CCDC150: variants seen among roughly 807,000 people sequenced by gnomAD.
The protein encoded by CCDC150 is coiled-coil domain-containing protein 150.
CCDC150 carries 151 observed loss-of-function variants against 156.5 expected under a neutral mutation model. The ratio of observed to expected loss-of-function variants is 0.97; its 90% CI spans 0.85 to 1.10. The LOEUF (loss-of-function observed/expected upper bound fraction) is 1.10, where lower values mean the gene tolerates loss of function less well. Ranked by LOEUF, CCDC150 falls within the 50% of genes least tolerant of loss-of-function variation. The probability of loss-of-function intolerance (pLI) is 0.00; values close to 1 mark genes in which losing one functional copy is unlikely to be tolerated. For missense variants in CCDC150, 1,312 were observed against 1,268.1 expected (o/e 1.03, Z -0.53); for synonymous variants, 452 against 429.4 (o/e 1.05, Z -0.65).
intron 13 of CCDC150, among the ~76,000 whole-genome samples, chr2:196,681,399 G>A (rs963692718): frequency 2.0e-5 from 3 of 152,056 alleles, no homozygotes; most frequent in African/African-American, 7.2e-5. Flanking sequence ...CATTTACACT[G>A]TTTTTACCTT....
Position 196,720,576 on chromosome 2 carries a change from G to A in CCDC150, c.2167G>A (p.Asp723Asn). ...TCTTTTTGTGCTTTTTATTTTTAGG[G>A]ATCTCAATCAACAGAGGGTGCAGAA... ...SEIAGLKKER[D>N]LNQQRVQKLE... The change falls in exon 20 of 28, where the codon GAT becomes AAT. Residue 723 changes from aspartate (D) to asparagine (N), a missense_variant and splice_region_variant. Coordinates refer to ENST00000389175, the MANE Select transcript of CCDC150 (RefSeq NM_001080539.2). The A allele has an allele frequency of 6.2e-7, 1 of 1,612,890 alleles. No individual in the cohort carries two copies. The highest frequency in any genetic ancestry group is 8.5e-7 in the Non-Finnish European group (1 of 1,179,248).
In CCDC150 at chr2:196,656,782, G is replaced by A. The variant is rs370440820; in HGVS notation, c.326G>A (p.Ser109Asn). 4 of 1,613,914 alleles carry A rather than the reference G, an allele frequency of 2.5e-6. No homozygotes were observed. The highest frequency in any genetic ancestry group is 1.7e-5 in the Admixed American group (1 of 60,004). The part of the protein sequence containing the change: ...FLVNRMCRLE[S>N]LMQSLKMNIF... Reference sequence around the variant, plus strand: ...GTAAATCGAATGTGCCGTCTTGAAAGCCTCATGCAGTCCTTGAAGATGAAC... The same window carrying A: ...GTAAATCGAATGTGCCGTCTTGAAAACCTCATGCAGTCCTTGAAGATGAAC... The change falls in exon 3 of 28, where the codon AGC becomes AAC. Residue 109 changes from serine (S) to asparagine (N), a missense_variant. Transcript: ENST00000389175.
intron 5 of CCDC150, among the ~76,000 whole-genome samples, chr2:196,664,383 G>T (rs1012253347): frequency 6.6e-6 from 1 of 152,234 alleles, no homozygotes; most frequent in African/African-American, 2.4e-5. Context: ...TGCTGGAACA[G>T]CTCAGAGAAT....
chr2:196,665,696 C>T lies in CCDC150; in HGVS notation c.762+13C>T. The stretch of plus-strand genomic sequence containing the variant: ...AGAACGAAAACAGGTAGAAAGATTT[C>T]TTCTCCTTATGTGGTTTGGGAAATG... On this transcript the variant is annotated intron_variant, in intron 6 of 27. Transcript: ENST00000389175. 6.7e-7 allele frequency: 1 copy of T among 1,492,082 alleles called. No homozygotes were observed. The highest frequency in any genetic ancestry group is 2.4e-5 in the East Asian group (1 of 41,738). The allele number at this position is 1,492,082 out of a possible 1,614,324, so 92.4% of individuals were successfully genotyped here.
rs377338378 is a variant in CCDC150 at position 196,721,661 on chromosome 2, A to T, written c.2399A>T (p.Glu800Val). ...ATTCAAGAGCAATTGGAAAGCAAAG[A>T]ACTTGAGCGACAGAATTTGGAAACC... ...DHIQEQLESK[E>V]LERQNLETFK... The change falls in exon 21 of 28, where the codon GAA becomes GTA. Residue 800 changes from glutamate (E) to valine (V), a missense_variant. Physicochemically the swap from Glu to Val is moderately radical, Grantham distance 121. Transcript: ENST00000389175. 188 of 1,600,878 alleles carry T rather than the reference A, an allele frequency of 1.2e-4. No homozygotes were observed. The highest frequency in any genetic ancestry group is 2.6e-4 in the Admixed American group (15 of 57,714).
At chr2:196,671,461 A>C in intron 8 of CCDC150, among the ~76,000 whole-genome samples, 1 of 114,586 alleles carries the variant, frequency 8.7e-6, no homozygotes, top group Non-Finnish European at 1.6e-5. Context: ...ACGGAGTCTC[A>C]CTCTGTCACT....
intron 2 of CCDC150, among the ~76,000 whole-genome samples, chr2:196,655,775 G>C (rs1013812018): frequency 2.0e-5 from 3 of 152,052 alleles, no homozygotes; most frequent in Non-Finnish European, 1.5e-5. Context: ...GGAGGTTTAA[G>C]ATGCAGTCCC....
At chr2:196,696,487 T>C (rs1695839322) in intron 14 of CCDC150, among the ~76,000 whole-genome samples, 1 of 152,226 alleles carries the variant, frequency 6.6e-6, no homozygotes, top group Non-Finnish European at 1.5e-5. Context: ...CCTGAATCCA[T>C]TGCCAGTGAG....
At chr2:196,684,501 T>G (rs1205217768) in intron 13 of CCDC150, among the ~76,000 whole-genome samples, 9 of 152,118 alleles carry the variant, frequency 5.9e-5, no homozygotes, top group Non-Finnish European at 1.0e-4. Context: ...CCATGTGCAT[T>G]TGAGAAAAAT....
chr2:196,719,983 A>G (rs766147267), intron 19 of CCDC150, among the ~76,000 whole-genome samples: 6 of 152,194 alleles, frequency 3.9e-5, no homozygotes, highest in African/African-American at 4.8e-5. Flanking sequence ...TTGCTTCTAC[A>G]GAATAGTAAC....
intron 20 of CCDC150, 52 bp downstream of exon 20, chr2:196,720,720 G>A (rs778336889): frequency 7.1e-5 from 104 of 1,462,910 alleles, no homozygotes; most frequent in Non-Finnish European, 9.6e-5. Context: ...AGTTTTATTG[G>A]GATATTACTG....
Position 196,732,652 on chromosome 2 carries a change from A to G in CCDC150, c.*90A>G. The G allele has an allele frequency of 1.2e-6, 1 of 819,428 alleles. No homozygotes were observed. Among genetic ancestry groups the G allele is most frequent in the Non-Finnish European group, 2.1e-6 (1 of 485,506 alleles). The allele number at this position is 819,428 out of a possible 1,614,324, so 50.8% of individuals were successfully genotyped here. ...GGGGCTGGCCTGTTTCTAGAGTCAT[A>G]AGAACATGAAGTCTTTGATGTGGGC... On this transcript the variant is annotated 3_prime_UTR_variant, in exon 28 of 28. Coordinates refer to ENST00000389175, the MANE Select transcript of CCDC150 (RefSeq NM_001080539.2).
At chr2:196,722,216 C>T (rs1697961112) in intron 21 of CCDC150, among the ~76,000 whole-genome samples, 1 of 152,172 alleles carries the variant, frequency 6.6e-6, no homozygotes, top group South Asian at 2.1e-4. Flanking sequence ...ATAATAATAG[C>T]ATCCCATGAA....
intron 2 of CCDC150, among the ~76,000 whole-genome samples, chr2:196,652,485 A>C (rs867536969): frequency 6.6e-6 from 1 of 152,266 alleles, no homozygotes; most frequent in East Asian, 1.9e-4. Context: ...TCCTGGGCAC[A>C]CTGGTATGCC....
chr2:196,674,882 A>G (rs1694405523), intron 10 of CCDC150, among the ~76,000 whole-genome samples: 1 of 152,164 alleles, frequency 6.6e-6, no homozygotes, highest in Non-Finnish European at 1.5e-5. Flanking sequence ...TACTTACTAT[A>G]TATACTAAGC....
chr2:196,713,631 C>T (rs1697292726), intron 17 of CCDC150: 1 of 1,465,374 alleles, frequency 6.8e-7, no homozygotes, highest in African/African-American at 1.4e-5. Context: ...GAGATTCTAG[C>T]CTCAAGACCT....
In CCDC150 at chr2:196,732,243, C is replaced by G. The variant is rs113994466; in HGVS notation, c.3189+91C>G. On this transcript the variant is annotated intron_variant, in intron 27 of 27. Coordinates refer to ENST00000389175, the MANE Select transcript of CCDC150 (RefSeq NM_001080539.2). ...GAAGTTCTCTCATCATCTCGATACT[C>G]TCTCTTTTAATCTTTAGTTTCTTTA... 1.4e-3 allele frequency: 2,029 copies of G among 1,424,010 alleles called. 28 individuals are homozygous for G. In the African/African-American group the frequency reaches 0.025, roughly 18 times the overall value. 88.2% of individuals were successfully genotyped at this position (1,424,010 alleles called of 1,614,324 possible).
rs749926024 is a variant in CCDC150 at position 196,665,547 on chromosome 2, A to G, written c.646-20A>G. 59 of 1,454,058 alleles carry G rather than the reference A, an allele frequency of 4.1e-5. No individual in the cohort carries two copies. The highest frequency in any genetic ancestry group is 5.4e-5 in the Non-Finnish European group (57 of 1,052,998). The allele number at this position is 1,454,058 out of a possible 1,614,324, so 90.1% of individuals were successfully genotyped here. A position where few individuals can be genotyped will look rare whatever the true frequency, so the allele number is the denominator to read the frequency against. On this transcript the variant is annotated intron_variant, in intron 5 of 27. Transcript: ENST00000389175. ...TAGTATGATCAATTGGTCTTGCCTA[A>G]CTGCAGTGTTGCTTTGTAGCTAAGG...
At chr2:196,657,625 C>A (rs1343185026) in intron 4 of CCDC150, among the ~76,000 whole-genome samples, 1 of 152,074 alleles carries the variant, frequency 6.6e-6, no homozygotes, top group Non-Finnish European at 1.5e-5. Flanking sequence ...CCTTTAGAAG[C>A]AAGGTGTAGG....
Sources: gnomAD v4.1 joint callset for allele counts (sites outside exome capture counted in the v4.1 genomes callset) on GRCh38, gnomAD v4.1.1 for gene constraint, MANE v1.5 for transcripts, NCBI Gene and HGNC (gene_info 2026-07-23, HGNC 2026-07-21) for gene names.